Variants in CCDC171 observed in about 807,000 individuals in gnomAD.
CCDC171 encodes coiled-coil domain-containing protein 171.
A neutral mutation model predicts 168.2 loss-of-function variants in CCDC171; 177 were observed. The observed-to-expected ratio is 1.05, with a 90% confidence interval of 0.93 to 1.19. CCDC171 has a LOEUF of 1.19. CCDC171 is among the 50% of genes most tolerant of loss of function. The pLI, the probability that CCDC171 is intolerant of heterozygous loss-of-function variation, is 0.00. For missense variants in CCDC171, 1,991 were observed against 1,539.0 expected, an observed-to-expected ratio of 1.29 and a Z score of -4.91; for synonymous variants, 687 against 540.8, an observed-to-expected ratio of 1.27 and a Z score of -3.75.
chr9:15,692,246 C>T (rs2050853279), intron 10 of CCDC171, among the ~76,000 whole-genome samples: 1 of 151,980 alleles, frequency 6.6e-6, no homozygotes, highest in Non-Finnish European at 1.5e-5. Context: ...CATGGGCACA[C>T]ACCTGTAGTC....
At chr9:15,923,374 C>A (rs1383372758) in intron 25 of CCDC171, among the ~76,000 whole-genome samples, 1 of 151,212 alleles carries the variant, frequency 6.6e-6, no homozygotes, top group Admixed American at 6.6e-5. Context: ...ATCTGTAGGA[C>A]ATTATGTTAA....
intron 7 of CCDC171, among the ~76,000 whole-genome samples, chr9:15,642,754 G>C (rs1413250264): frequency 1.3e-5 from 2 of 152,044 alleles, no homozygotes; most frequent in Non-Finnish European, 2.9e-5. Context: ...AAAATGAGAA[G>C]TTGTGAAAAT....
chr9:15,912,485 C>T (rs1017959363), intron 24 of CCDC171, among the ~76,000 whole-genome samples: 2 of 152,144 alleles, frequency 1.3e-5, no homozygotes, highest in Non-Finnish European at 2.9e-5. Flanking sequence ...ACAGTCATGT[C>T]ATCTGCAAAC....
intron 3 of CCDC171, among the ~76,000 whole-genome samples, chr9:16,018,436 TG>T (rs751530916): frequency 1.2e-4 from 18 of 152,374 alleles, no homozygotes; most frequent in Admixed American, 4.6e-4. Context: ...TTTTTTGTTG[TG>T]TTTAATACAG....
intron 11 of CCDC171, among the ~76,000 whole-genome samples, chr9:15,715,136 T>C (rs2052983707): frequency 6.6e-6 from 1 of 152,182 alleles, no homozygotes; most frequent in African/African-American, 2.4e-5. Context: ...ACAGAACTCA[T>C]CAACGAAGCA....
chr9:16,087,018 G>T, the CCDC171 span, among the ~76,000 whole-genome samples: 1 of 152,190 alleles, frequency 6.6e-6, no homozygotes, highest in Admixed American at 6.5e-5. Context: ...AGGTTGTTCA[G>T]TTTCCATGTA....
At chr9:15,849,037 G>A in intron 23 of CCDC171, 90 bp downstream of exon 23, 1 of 648,342 alleles carries the variant, frequency 1.5e-6, no homozygotes, top group Non-Finnish European at 2.5e-6. Flanking sequence ...CATTGATTTT[G>A]AAAGTTAAAA....
At chr9:15,661,876 A>G (rs576544634) in intron 8 of CCDC171, among the ~76,000 whole-genome samples, 6 of 152,370 alleles carry the variant, frequency 3.9e-5, no homozygotes, top group Admixed American at 6.5e-5. Flanking sequence ...GCTTACAAAC[A>G]TTGGATTTAG....
intron 1 of CCDC171, among the ~76,000 whole-genome samples, chr9:16,060,071 G>T (rs1013182226): frequency 6.6e-6 from 1 of 152,208 alleles, no homozygotes; most frequent in Non-Finnish European, 1.5e-5. Context: ...TTTTGAGGGA[G>T]ACGTAGCATG....
At chr9:15,773,006 A>G (rs1296129129) in intron 18 of CCDC171, among the ~76,000 whole-genome samples, 2 of 151,896 alleles carry the variant, frequency 1.3e-5, no homozygotes, top group African/African-American at 2.4e-5. Context: ...AACATTACTC[A>G]TTATTACAAT....
At chr9:15,983,324 T>C (rs548264571) in intron 3 of CCDC171, among the ~76,000 whole-genome samples, 1 of 152,280 alleles carries the variant, frequency 6.6e-6, no homozygotes, top group South Asian at 2.1e-4. Context: ...TTCATTTCTC[T>C]TTTTTCCTGT....
At chr9:15,912,637 C>T (rs964880955) in intron 24 of CCDC171, among the ~76,000 whole-genome samples, 16 of 152,094 alleles carry the variant, frequency 1.1e-4, no homozygotes, top group Admixed American at 7.9e-4. Context: ...GGAATGCTTC[C>T]GGTTTTTGCC....
the CCDC171 span, among the ~76,000 whole-genome samples, chr9:16,095,865 G>A: frequency 1.7e-5 from 1 of 58,148 alleles, no homozygotes; most frequent in Admixed American, 1.5e-4. Context: ...TACACACATA[G>A]GCACATATAT....
chr9:16,050,553 C>T (rs943500836), intron 1 of CCDC171, among the ~76,000 whole-genome samples: 5 of 152,144 alleles, frequency 3.3e-5, no homozygotes, highest in Non-Finnish European at 5.9e-5. Flanking sequence ...TGTTTTTCAC[C>T]TTCACATTAT....
chr9:15,927,091 T>C (rs963774274), intron 25 of CCDC171, among the ~76,000 whole-genome samples: 1 of 151,732 alleles, frequency 6.6e-6, no homozygotes. Flanking sequence ...AAGAGATTGA[T>C]CATATTGTAG....
intron 25 of CCDC171, among the ~76,000 whole-genome samples, chr9:15,955,823 T>A (rs1478273014): frequency 1.3e-5 from 2 of 152,160 alleles, no homozygotes; most frequent in Non-Finnish European, 2.9e-5. Context: ...TATCAGGGAC[T>A]TATAGCTTTA....
chr9:15,753,784 A>G (rs1480634891), intron 18 of CCDC171, among the ~76,000 whole-genome samples: 1 of 152,140 alleles, frequency 6.6e-6, no homozygotes, highest in Non-Finnish European at 1.5e-5. Flanking sequence ...CACGACTTTG[A>G]GAAGAGTAAG....
chr9:15,958,114 CCATTCATTCATT>C (rs34099313), intron 25 of CCDC171, among the ~76,000 whole-genome samples: 26 of 150,778 alleles, frequency 1.7e-4, no homozygotes, highest in Admixed American at 3.3e-4. Context: ...ACTCACTCAT[CCATTCATTCATT>C]CATTCATTCA....
At chr9:16,106,182 A>G in the CCDC171 span, among the ~76,000 whole-genome samples, 2 of 152,170 alleles carry the variant, frequency 1.3e-5, no homozygotes, top group African/African-American at 4.8e-5. Flanking sequence ...TGGGATATGG[A>G]GTTTTCTCCT....
Sources: gnomAD v4.1 joint callset for allele counts (sites outside exome capture counted in the v4.1 genomes callset) on GRCh38, gnomAD v4.1.1 for gene constraint, MANE v1.5 for transcripts, NCBI Gene and HGNC (gene_info 2026-07-23, HGNC 2026-07-21) for gene names.